Variants in CELF2 observed in about 807,000 individuals in gnomAD.
The protein encoded by CELF2 is CUGBP Elav-like family member 2.
CELF2 carries 8 observed loss-of-function variants against 62.6 expected under a neutral mutation model. The ratio of observed to expected loss-of-function variants is 0.13; its 90% CI spans 0.07 to 0.23. The LOEUF (loss-of-function observed/expected upper bound fraction) is 0.23. Ranked by LOEUF, CELF2 falls within the 10% of genes least tolerant of loss-of-function variation. The pLI is 1.00. For missense variants in CELF2, 333 were observed against 671.0 expected, an observed-to-expected ratio of 0.50 and a Z score of 5.56; for synonymous variants, 258 against 250.0, an observed-to-expected ratio of 1.03 and a Z score of -0.30.
chr10:10,499,350 A>C, the CELF2 span, among the ~76,000 whole-genome samples: 1 of 151,280 alleles, frequency 6.6e-6, no homozygotes, highest in South Asian at 2.1e-4. Context: ...ACAGGCCACC[A>C]TGCCCAGCCA....
chr10:11,302,762 C>G lies in CELF2; in HGVS notation c.977-11377C>G, dbSNP rs934156695. 6.6e-6 allele frequency among the ~76,000 whole-genome samples: 1 copy of G among 152,224 alleles called. No homozygotes were observed. Among genetic ancestry groups the G allele is most frequent in the Admixed American group, 6.5e-5 (1 of 15,302 alleles). Reference sequence around the variant, plus strand: ...TAATGGGGCTTGTATTTATGTCGATCCTTTGTTCTCGGGTCTCTAAATTGA... The same window carrying G: ...TAATGGGGCTTGTATTTATGTCGATGCTTTGTTCTCGGGTCTCTAAATTGA... On this transcript the variant is annotated intron_variant, in intron 9 of 12. Transcript: ENST00000633077. The surrounding 1 kb of genome is among the most constrained non-coding windows in gnomAD (Gnocchi z 5.0).
chr10:10,932,295 A>C (rs1179594498), intron 2 of CELF2, among the ~76,000 whole-genome samples: 1 of 152,150 alleles, frequency 6.6e-6, no homozygotes, highest in Non-Finnish European at 1.5e-5. Context: ...AAAGGTACAG[A>C]GATTCACTGG....
intron 1 of CELF2, among the ~76,000 whole-genome samples, chr10:11,112,184 G>A (rs2055346910): frequency 6.6e-6 from 1 of 152,214 alleles, no homozygotes; most frequent in Non-Finnish European, 1.5e-5. Flanking sequence ...CATTTTACTG[G>A]GTGCGAATGT....
At chr10:10,960,513 C>T (rs2049377882) in intron 2 of CELF2, 2 of 152,190 alleles carry the variant, frequency 1.3e-5, no homozygotes, top group African/African-American at 4.8e-5. Context: ...GTCAGGGTGA[C>T]CTGGAGCCCA....
At chr10:10,763,803 C>T in the CELF2 span, among the ~76,000 whole-genome samples, 1 of 152,174 alleles carries the variant, frequency 6.6e-6, no homozygotes, top group African/African-American at 2.4e-5. Flanking sequence ...GAGCCTGCCT[C>T]CTGTAGTATT....
chr10:10,817,441 C>G (rs988652140), intron 1 of CELF2, among the ~76,000 whole-genome samples: 13 of 152,232 alleles, frequency 8.5e-5, no homozygotes, highest in Admixed American at 5.9e-4. Context: ...TTTTTGGTAA[C>G]ATTAACCATC....
chr10:11,327,257 A>C (rs924121139), intron 12 of CELF2, among the ~76,000 whole-genome samples: 1 of 152,126 alleles, frequency 6.6e-6, no homozygotes, highest in African/African-American at 2.4e-5. Context: ...CATGATTTAC[A>C]AGGCTTTGAG....
chr10:11,063,757 T>G (rs988235351), intron 1 of CELF2, among the ~76,000 whole-genome samples: 4 of 152,182 alleles, frequency 2.6e-5, no homozygotes, highest in African/African-American at 9.7e-5. Flanking sequence ...ATTGATAGAT[T>G]GGTGGTTTTC....
the CELF2 span, among the ~76,000 whole-genome samples, chr10:10,651,013 C>G: frequency 6.6e-6 from 1 of 151,764 alleles, no homozygotes; most frequent in Non-Finnish European, 1.5e-5. Flanking sequence ...AGTGGGTGCG[C>G]GCACCGTGCG....
chr10:11,141,024 A>C (rs2061269930), intron 1 of CELF2, among the ~76,000 whole-genome samples: 2 of 152,222 alleles, frequency 1.3e-5, no homozygotes. Context: ...TTAAAAAAAT[A>C]AAGCATAGTT....
At chr10:11,090,984 A>G in intron 1 of CELF2, among the ~76,000 whole-genome samples, 1 of 152,238 alleles carries the variant, frequency 6.6e-6, no homozygotes, top group East Asian at 1.9e-4. Context: ...TAATCATTGT[A>G]TTGAATATCA....
the CELF2 span, among the ~76,000 whole-genome samples, chr10:10,545,129 A>G: frequency 2.6e-5 from 4 of 152,224 alleles, no homozygotes; most frequent in African/African-American, 4.8e-5. Flanking sequence ...CGAGGAAGAC[A>G]AGGGACCACA....
At position 11,207,417 on chromosome 10, in the gene CELF2, C is replaced by G. The variant is rs1340438623; in HGVS notation, c.272-10008C>G. ...CCAGTTGACAGAAAGTTGGTCCTAGCGTGTCAAATGGAGAGTTGGAGGGAA... is the reference window on the plus strand; with the variant it reads ...CCAGTTGACAGAAAGTTGGTCCTAGGGTGTCAAATGGAGAGTTGGAGGGAA... On this transcript the variant is annotated intron_variant, in intron 2 of 12. Transcript: ENST00000633077. The surrounding 1 kb of genome is among the most constrained non-coding windows in gnomAD (Gnocchi z 4.1). 6.6e-6 allele frequency among the ~76,000 whole-genome samples: 1 copy of G among 152,128 alleles called. No individual in the cohort carries two copies. Among genetic ancestry groups the G allele is most frequent in the African/African-American group, 2.4e-5 (1 of 41,414 alleles).
the CELF2 span, among the ~76,000 whole-genome samples, chr10:10,707,849 C>T: frequency 6.6e-6 from 1 of 152,154 alleles, no homozygotes; most frequent in Admixed American, 6.5e-5. Context: ...CCTCTAAATT[C>T]ACCCTTTGCT....
intron 1 of CELF2, among the ~76,000 whole-genome samples, chr10:10,884,243 G>A (rs906167004): frequency 3.2e-4 from 48 of 152,114 alleles, no homozygotes; most frequent in African/African-American, 1.1e-3. Context: ...ATGAAGAACA[G>A]CTGTGACTAA....
At chr10:11,128,469 G>T (rs2059086976) in intron 1 of CELF2, among the ~76,000 whole-genome samples, 1 of 152,206 alleles carries the variant, frequency 6.6e-6, no homozygotes, top group South Asian at 2.1e-4. Flanking sequence ...ACCTTGGGCA[G>T]TATGGCCATT....
chr10:11,241,704 A>G (rs1038525478), intron 3 of CELF2, among the ~76,000 whole-genome samples: 2 of 152,092 alleles, frequency 1.3e-5, no homozygotes, highest in African/African-American at 4.8e-5. Context: ...CATCTCTGCT[A>G]TCAGGAGCAT....
At chr10:10,693,796 C>T in the CELF2 span, among the ~76,000 whole-genome samples, 3 of 151,622 alleles carry the variant, frequency 2.0e-5, no homozygotes, top group South Asian at 4.2e-4. Flanking sequence ...GGTTTATTTG[C>T]GTAGAGGTGT....
At chr10:10,701,844 C>T in the CELF2 span, among the ~76,000 whole-genome samples, 104,896 of 152,048 alleles carry the variant, frequency 0.69, 36,756 homozygotes, top group South Asian at 0.83. Flanking sequence ...TCCTCTACCC[C>T]GTAGTTAGAC....
Sources: gnomAD v4.1 joint callset for allele counts (sites outside exome capture counted in the v4.1 genomes callset) on GRCh38, gnomAD v4.1.1 for gene constraint, Gnocchi (gnomAD v3.1) non-coding constraint, MANE v1.5 for transcripts, NCBI Gene and HGNC (gene_info 2026-07-23, HGNC 2026-07-21) for gene names.